CFH: variants seen among roughly 807,000 people sequenced by gnomAD.
The protein encoded by CFH is H factor 1 (complement).
Under a neutral mutation model 147.3 loss-of-function variants are expected in CFH, and 53 were observed. That is an observed-to-expected ratio of 0.36 (90% CI 0.29 to 0.45). The LOEUF (loss-of-function observed/expected upper bound fraction) is 0.45, where lower values mean the gene tolerates loss of function less well. CFH is among the 20% of genes least tolerant of loss of function. CFH has a pLI of 1.00. For synonymous variants in CFH, 536 were observed against 489.4 expected, an observed-to-expected ratio of 1.10 and a Z score of -1.26; for missense variants, 1,380 against 1,498.0, an observed-to-expected ratio of 0.92 and a Z score of 1.30.
Position 196,737,496 on chromosome 1 carries a change from C to A in CFH, c.2618C>A (p.Pro873Gln). The A allele has an allele frequency of 3.1e-6, 5 of 1,612,472 alleles. No individual in the cohort carries two copies. Among genetic ancestry groups the A allele is most frequent in the Non-Finnish European group, 4.2e-6 (5 of 1,179,034 alleles). ...LCVEKIPCSQPPQIEHGTINS... is the reference protein window; with the variant it reads ...LCVEKIPCSQQPQIEHGTINS... ...TTAGAAAAAATTCCATGTTCACAAC[C>A]ACCTCAGATAGAACACGGAACCATT... is the stretch of plus-strand genomic sequence containing the variant. Residue 873 changes from proline (P) to glutamine (Q), a missense_variant, in exon 17 of 22, where the codon CCA becomes CAA. This residue lies in a region of CFH where 830 missense variants were observed against 821.4 expected (regional missense o/e 1.01). Coordinates refer to ENST00000367429, the MANE Select transcript of CFH (RefSeq NM_000186.4).
intron 9 of CFH, chr1:196,701,274 C>G: frequency 1.2e-6 from 2 of 1,613,456 alleles, no homozygotes; most frequent in African/African-American, 1.3e-5. Context: ...GGAATCTCAG[C>G]AAGCCTAACT....
At chr1:196,713,105 T>A (rs1244483590) in intron 9 of CFH, among the ~76,000 whole-genome samples, 1 of 152,110 alleles carries the variant, frequency 6.6e-6, no homozygotes. Context: ...CAGTAATTTC[T>A]ATCATCAGTT....
chr1:196,653,733 GTTTCACTTTTA>G (rs1280575200), intron 1 of CFH, among the ~76,000 whole-genome samples: 2 of 151,886 alleles, frequency 1.3e-5, no homozygotes, highest in African/African-American at 4.8e-5. Flanking sequence ...TTGCTGACTT[GTTTCACTTTTA>G]TTTTATTTTT....
chr1:196,741,974 C>T lies in CFH; in HGVS notation c.3056C>T (p.Ala1019Val). 1 of 1,614,108 alleles carries T rather than the reference C, an allele frequency of 6.2e-7. No homozygotes were observed. Among genetic ancestry groups the T allele is most frequent in the Non-Finnish European group, 8.5e-7 (1 of 1,180,006 alleles). Reference protein sequence around the residue: ...KAGEQVTYTCATYYKMDGASN... With the variant: ...KAGEQVTYTCVTYYKMDGASN... Reference sequence around the variant, plus strand: ...GGTGAGCAAGTGACTTACACTTGTGCAACATATTACAAAATGGATGGAGCC... The same window carrying T: ...GGTGAGCAAGTGACTTACACTTGTGTAACATATTACAAAATGGATGGAGCC... The change falls in exon 19 of 22, where the codon GCA (alanine) becomes GTA (valine). Residue 1019 changes from alanine (A) to valine (V), a missense_variant. This residue lies in a region of CFH where 830 missense variants were observed against 821.4 expected (regional missense o/e 1.01). Coordinates refer to ENST00000367429, the MANE Select transcript of CFH (RefSeq NM_000186.4).
At chr1:196,701,008 C>T (rs1311189236) in intron 9 of CFH, among the ~76,000 whole-genome samples, 1 of 152,054 alleles carries the variant, frequency 6.6e-6, no homozygotes, top group African/African-American at 2.4e-5. Flanking sequence ...CTCCCTAAGT[C>T]TAGGTAGGAA....
rs781060260 is a variant in CFH at position 196,673,027 on chromosome 1, C to T, written c.108C>T (p.Ser36=). The T allele has an allele frequency of 1.2e-6, 2 of 1,614,072 alleles. No individual in the cohort carries two copies. The highest frequency in any genetic ancestry group is 1.7e-6 in the Non-Finnish European group (2 of 1,179,992). The change falls in exon 2 of 22, where the codon TCC becomes TCT. Residue 36 remains serine, a synonymous_variant. Coordinates refer to ENST00000367429, the MANE Select transcript of CFH (RefSeq NM_000186.4). Reference sequence around the variant, plus strand: ...GAAATACAGAAATTCTGACAGGTTCCTGGTCTGACCAAACATATCCAGAAG... The same window carrying T: ...GAAATACAGAAATTCTGACAGGTTCTTGGTCTGACCAAACATATCCAGAAG... ...PRRNTEILTG[S]WSDQTYPEGT...
intron 18 of CFH, chr1:196,741,320 T>TCATGAAACTTAC (rs1652802616): frequency 5.6e-6 from 1 of 177,522 alleles, no homozygotes; most frequent in South Asian, 1.2e-4. Context: ...TGAGGAGGTG[T>TCATGAAACTTAC]CATGAAACTT....
chr1:196,692,775 T>TC (rs1558163652), intron 9 of CFH, among the ~76,000 whole-genome samples: 5 of 88,372 alleles, frequency 5.7e-5, no homozygotes, highest in African/African-American at 2.2e-4. Flanking sequence ...TCTTTCTTTC[T>TC]TTCTTTCTTT....
At chr1:196,665,815 C>G (rs6675088) in intron 1 of CFH, among the ~76,000 whole-genome samples, 6,351 of 152,212 alleles carry the variant, frequency 0.042, 448 homozygotes, top group African/African-American at 0.14. Flanking sequence ...ACATGTTTGT[C>G]GGGCTAGTCT....
rs199838420 is a variant in CFH, at chr1:196,726,539, A to G, written c.1943A>G (p.Glu648Gly). Residue 648 changes from glutamate to glycine, a missense_variant, in exon 13 of 22, where the codon GAA (glutamate) becomes GGA (glycine). Coordinates refer to ENST00000367429, the MANE Select transcript of CFH (RefSeq NM_000186.4). ...AATGTTAAGGAAAAAACGAAAGAAG[A>G]ATATGGACACAGTGAAGTGGTGGAA... ...NGNVKEKTKE[E>G]YGHSEVVEYY... 1 of 1,613,136 alleles carries G rather than the reference A, an allele frequency of 6.2e-7. No homozygotes were observed. Among genetic ancestry groups the G allele is most frequent in the African/African-American group, 1.3e-5 (1 of 75,024 alleles).
At chr1:196,697,294 C>T (rs1668306045) in intron 9 of CFH, among the ~76,000 whole-genome samples, 1 of 151,938 alleles carries the variant, frequency 6.6e-6, no homozygotes, top group Admixed American at 6.6e-5. Context: ...ACAATGAACT[C>T]AAACAAATTT....
At chr1:196,676,299 A>G (rs1282423381) in intron 4 of CFH, among the ~76,000 whole-genome samples, 6 of 152,144 alleles carry the variant, frequency 3.9e-5, no homozygotes, top group Non-Finnish European at 8.8e-5. Context: ...ACATTAAGGA[A>G]TCTAAAACTG....
rs117451883 is a variant in CFH, at chr1:196,666,906, G to C, written c.59-6072G>C. The stretch of plus-strand genomic sequence containing the variant: ...GTCTAGTGGTCAGGGAGTATACTTA[G>C]AGTGGCTTTAATTTTTTGAGATTGG... On this transcript the variant is annotated intron_variant, in intron 1 of 21. Coordinates refer to ENST00000367429, the MANE Select transcript of CFH (RefSeq NM_000186.4). 2.7e-3 allele frequency among the ~76,000 whole-genome samples: 404 copies of C among 152,058 alleles called. 2 individuals are homozygous for C. The highest frequency in any genetic ancestry group is 0.014 in the East Asian group (72 of 5,170).
rs201961184 is a variant in CFH at position 196,726,793 on chromosome 1, C to T, written c.2089C>T (p.Leu697Phe). 2.5e-5 allele frequency: 41 copies of T among 1,613,786 alleles called. No homozygotes were observed. In the East Asian group the frequency reaches 7.4e-4, roughly 29 times the overall value. Residue 697 changes from leucine (L) to phenylalanine (F), a missense_variant, in exon 14 of 22, where the codon CTT becomes TTT. This residue lies in a region of CFH where 830 missense variants were observed against 821.4 expected (regional missense o/e 1.01). Coordinates refer to ENST00000367429, the MANE Select transcript of CFH (RefSeq NM_000186.4). Reference protein sequence around the residue: ...EESTCGDIPELEHGWAQLSSP... With the variant: ...EESTCGDIPEFEHGWAQLSSP... The stretch of plus-strand genomic sequence containing the variant: ...GAGTACCTGTGGAGATATACCTGAA[C>T]TTGAACATGGCTGGGCCCAGCTTTC...
At chr1:196,714,021 A>AG (rs1668786153) in intron 10 of CFH, 104 bp downstream of exon 10, 1 of 1,072,366 alleles carries the variant, frequency 9.3e-7, no homozygotes, top group Non-Finnish European at 1.4e-6. Flanking sequence ...TGAAAAGATA[A>AG]GAAAAAAAAA....
intron 7 of CFH, among the ~76,000 whole-genome samples, chr1:196,687,171 T>A (rs1432043483): frequency 6.6e-6 from 1 of 152,070 alleles, no homozygotes; most frequent in Non-Finnish European, 1.5e-5. Flanking sequence ...GTTATAAAAA[T>A]TAGTGAATAT....
Position 196,731,159 on chromosome 1 carries a change from C to T in CFH, c.2413+2637C>T, listed in dbSNP as rs1342598708. Reference sequence around the variant, plus strand: ...TTTAAAATTCTTTGTTTCTTTCTTGCTTGCTTTATTCATGGTTTGATGACT... The same window carrying T: ...TTTAAAATTCTTTGTTTCTTTCTTGTTTGCTTTATTCATGGTTTGATGACT... On this transcript the variant is annotated intron_variant, in intron 15 of 21. Transcript: ENST00000367429. Among the ~76,000 whole-genome samples, 3 of 145,626 alleles carry T rather than the reference C, an allele frequency of 2.1e-5. No homozygotes were observed. The South Asian group carries it at 6.2e-4, about 30-fold the overall frequency.
chr1:196,661,849 A>G (rs1417574625), intron 1 of CFH, among the ~76,000 whole-genome samples: 2 of 152,046 alleles, frequency 1.3e-5, no homozygotes, highest in Non-Finnish European at 2.9e-5. Flanking sequence ...TGACATACCA[A>G]TCTCCTATCT....
At position 196,693,985 on chromosome 1, in the gene CFH, TG is replaced by T. The variant is rs1232297124; in HGVS notation, c.1336+3747del. 8.9e-4 allele frequency among the ~76,000 whole-genome samples: 135 copies of T among 150,978 alleles called. 1 individual carries two copies. The highest frequency in any genetic ancestry group is 3.4e-3 in the Middle Eastern group (1 of 294). On this transcript the variant is annotated intron_variant, in intron 9 of 21. Coordinates refer to ENST00000367429, the MANE Select transcript of CFH (RefSeq NM_000186.4). ...GTGTGTGTGTGTGTGTGTGTGTGTG[TG>T]TGTGTTTTATTATTATTATACTTTA...
Sources: gnomAD v4.1 joint callset for allele counts (sites outside exome capture counted in the v4.1 genomes callset) on GRCh38, gnomAD v4.1.1 for gene constraint, gnomAD v4.1.1 regional missense constraint, MANE v1.5 for transcripts, NCBI Gene and HGNC (gene_info 2026-07-23, HGNC 2026-07-21) for gene names.